The following CSMD1 variants were observed in gnomAD, a reference collection of about 807,000 sequenced individuals.
The protein encoded by CSMD1 is CUB and sushi domain-containing protein 1.
Under a neutral mutation model 417.5 loss-of-function variants are expected in CSMD1, and 213 were observed. That is an observed-to-expected ratio of 0.51 (90% CI 0.46 to 0.57). The LOEUF (loss-of-function observed/expected upper bound fraction) is 0.57. Among genes scored for constraint, CSMD1 ranks in the 20% least tolerant of loss-of-function variants. The probability of loss-of-function intolerance (pLI) is 0.00; values close to 1 mark genes in which losing one functional copy is unlikely to be tolerated. For synonymous variants in CSMD1, 2,862 were observed against 1,736.8 expected (o/e 1.65, Z -16.11); for missense variants, 6,923 against 4,529.7 (o/e 1.53, Z -15.17).
rs79752495 is a variant in CSMD1, at chr8:3,265,467, G to A, written c.4153+18677C>T. On this transcript the variant is annotated intron_variant, in intron 26 of 69. Coordinates refer to ENST00000635120, the MANE Select transcript of CSMD1 (RefSeq NM_033225.6). ...AGGGATCAGAGACGTTTCCTAAACA[G>A]AGTGGTGTTTAACCGCAACCTGTCA... is the stretch of plus-strand genomic sequence containing the variant. Among the ~76,000 whole-genome samples the A allele has an allele frequency of 1.7e-3, 261 of 152,294 alleles. 1 individual carries two copies. Among genetic ancestry groups the A allele is most frequent in the African/African-American group, 6.2e-3 (256 of 41,556 alleles).
intron 1 of CSMD1, among the ~76,000 whole-genome samples, chr8:4,928,337 C>T (rs765916355): frequency 1.5e-4 from 23 of 152,172 alleles, no homozygotes; most frequent in Non-Finnish European, 2.2e-4. Flanking sequence ...TGCCACCATC[C>T]GGTATCACTG....
intron 3 of CSMD1, among the ~76,000 whole-genome samples, chr8:4,390,073 A>G (rs990927874): frequency 3.3e-5 from 5 of 152,222 alleles, no homozygotes; most frequent in Non-Finnish European, 7.3e-5. Context: ...TTTGAGAATT[A>G]CCACTTCTAT....
chr8:3,809,486 A>T (rs1400352555), intron 5 of CSMD1, among the ~76,000 whole-genome samples: 1 of 152,186 alleles, frequency 6.6e-6, no homozygotes, highest in Non-Finnish European at 1.5e-5. Flanking sequence ...GGGCTGCGTG[A>T]TCCTTCAGTT....
intron 6 of CSMD1, among the ~76,000 whole-genome samples, chr8:3,725,508 G>C (rs529231178): frequency 6.6e-6 from 1 of 152,146 alleles, no homozygotes; most frequent in Non-Finnish European, 1.5e-5. Context: ...GAATGTGTAT[G>C]TGTGTGTGTA....
At chr8:4,892,893 T>C (rs1480339970) in intron 1 of CSMD1, among the ~76,000 whole-genome samples, 1 of 152,182 alleles carries the variant, frequency 6.6e-6, no homozygotes, top group Admixed American at 6.5e-5. Context: ...GTTTTCCCTT[T>C]GGCTTTATAA....
chr8:3,905,748 A>G (rs931706842), intron 5 of CSMD1, among the ~76,000 whole-genome samples: 6 of 152,188 alleles, frequency 3.9e-5, no homozygotes, highest in Non-Finnish European at 5.9e-5. Context: ...TCGTCTTAAA[A>G]TTGGATGCTC....
At chr8:3,919,071 C>G (rs974786727) in intron 5 of CSMD1, among the ~76,000 whole-genome samples, 2 of 151,172 alleles carry the variant, frequency 1.3e-5, no homozygotes, top group Non-Finnish European at 2.9e-5. Context: ...TTCTCCCATT[C>G]CATAGGGTGA....
At chr8:3,281,839 G>A (rs1456564340) in intron 26 of CSMD1, among the ~76,000 whole-genome samples, 2 of 152,138 alleles carry the variant, frequency 1.3e-5, no homozygotes, top group South Asian at 2.1e-4. Flanking sequence ...GGTAGTGCCT[G>A]GAGGGGTTGA....
At chr8:4,383,544 C>A (rs1020515019) in intron 3 of CSMD1, among the ~76,000 whole-genome samples, 4 of 152,036 alleles carry the variant, frequency 2.6e-5, no homozygotes, top group Admixed American at 6.6e-5. Context: ...GGTTGTGGTA[C>A]CAGAAGCATT....
At chr8:4,065,633 C>T (rs1391287806) in intron 3 of CSMD1, among the ~76,000 whole-genome samples, 3 of 152,146 alleles carry the variant, frequency 2.0e-5, no homozygotes, top group Non-Finnish European at 4.4e-5. Context: ...GCTCATGCAC[C>T]AAGGCCAGGC....
intron 1 of CSMD1, among the ~76,000 whole-genome samples, chr8:4,891,025 G>C (rs887690562): frequency 6.6e-6 from 1 of 152,076 alleles, no homozygotes; most frequent in Non-Finnish European, 1.5e-5. Context: ...AAATAGATAT[G>C]TGGAAATGGT....
At chr8:4,428,204 C>G (rs1029977558) in intron 2 of CSMD1, among the ~76,000 whole-genome samples, 1 of 152,188 alleles carries the variant, frequency 6.6e-6, no homozygotes, top group African/African-American at 2.4e-5. Flanking sequence ...TTCACTTGTA[C>G]TGTGTCCACT....
intron 26 of CSMD1, among the ~76,000 whole-genome samples, chr8:3,243,886 C>T (rs540796213): frequency 2.0e-4 from 30 of 152,134 alleles, no homozygotes; most frequent in African/African-American, 7.0e-4. Flanking sequence ...GGGCCACAGT[C>T]TATTAAATGC....
chr8:4,040,232 C>G lies in CSMD1; in HGVS notation c.416-8133G>C, dbSNP rs185561692. ...TTTTCATTTAGCAATAGTAATTCCA[C>G]TTCATTATTTCTGCCTTATCATAAT... is the stretch of plus-strand genomic sequence containing the variant. On this transcript the variant is annotated intron_variant, in intron 3 of 69. Coordinates refer to ENST00000635120, the MANE Select transcript of CSMD1 (RefSeq NM_033225.6). 2.3e-3 allele frequency among the ~76,000 whole-genome samples: 347 copies of G among 152,326 alleles called. 11 individuals carry two copies. The highest frequency in any genetic ancestry group is 0.02 in the Admixed American group (299 of 15,306).
At chr8:4,053,590 A>G (rs946711669) in intron 3 of CSMD1, among the ~76,000 whole-genome samples, 7 of 152,056 alleles carry the variant, frequency 4.6e-5, no homozygotes, top group African/African-American at 1.7e-4. Flanking sequence ...TCCTGCTCTT[A>G]GCAACCTCTG....
chr8:3,529,617 G>A (rs76551516), intron 10 of CSMD1, among the ~76,000 whole-genome samples: 7 of 152,172 alleles, frequency 4.6e-5, no homozygotes, highest in African/African-American at 1.2e-4. Context: ...CGCCTAGTTC[G>A]TGATTTGTCA....
intron 3 of CSMD1, among the ~76,000 whole-genome samples, chr8:4,233,884 C>T (rs1404659549): frequency 6.6e-6 from 1 of 151,838 alleles, no homozygotes; most frequent in Admixed American, 6.6e-5. Context: ...CAAGCGGAAG[C>T]CATATCCAGT....
intron 2 of CSMD1, among the ~76,000 whole-genome samples, chr8:4,453,014 T>C (rs77449038): frequency 0.11 from 16,522 of 152,166 alleles, 1,128 homozygotes; most frequent in South Asian, 0.22. Flanking sequence ...CTCTGAAGAA[T>C]ACAATTTAAG....
At chr8:3,255,651 G>T (rs113028014) in intron 26 of CSMD1, among the ~76,000 whole-genome samples, 1 of 152,230 alleles carries the variant, frequency 6.6e-6, no homozygotes, top group Non-Finnish European at 1.5e-5. Flanking sequence ...CTCTGTGGGC[G>T]TAGGACCCTC....
Sources: allele counts gnomAD v4.1 joint callset (sites outside exome capture counted in the v4.1 genomes callset), GRCh38; gene constraint gnomAD v4.1.1; transcripts MANE v1.5; gene names NCBI Gene and HGNC (gene_info 2026-07-23, HGNC 2026-07-21).